The following TRUB2 variants were observed in gnomAD, a reference collection of about 807,000 sequenced individuals.
The protein encoded by TRUB2 is pseudouridylate synthase TRUB2, mitochondrial.
A neutral mutation model predicts 31.9 loss-of-function variants in TRUB2; 31 were observed. The ratio of observed to expected loss-of-function variants is 0.97; its 90% CI spans 0.73 to 1.31. The LOEUF (loss-of-function observed/expected upper bound fraction) is 1.31. Among genes scored for constraint, TRUB2 ranks in the 50% most tolerant of loss-of-function variants. TRUB2 has a pLI of 0.00. For synonymous variants in TRUB2, 201 were observed against 182.6 expected (o/e 1.10, Z -0.81); for missense variants, 451 against 439.6 (o/e 1.03, Z -0.23).
rs759569675 is a variant in TRUB2 at position 128,322,432 on chromosome 9, G to A, written c.-24C>T. 2.4e-5 allele frequency: 39 copies of A among 1,611,856 alleles called. No individual in the cohort carries two copies. Among genetic ancestry groups the A allele is most frequent in the Non-Finnish European group, 2.9e-5 (34 of 1,178,280 alleles). On this transcript the variant is annotated 5_prime_UTR_variant, in exon 1 of 8. Coordinates refer to ENST00000372890, the MANE Select transcript of TRUB2 (RefSeq NM_015679.3). ...ATACTTGAAGATCACAGCACCCGCT[G>A]GACCTGGACGGAAGTACCGCCAGGC...
Position 128,309,398 on chromosome 9 carries a change from G to A in TRUB2, c.*152C>T. 2 of 765,750 alleles carry A rather than the reference G, an allele frequency of 2.6e-6. No individual in the cohort carries two copies. Among genetic ancestry groups the A allele is most frequent in the Non-Finnish European group, 4.1e-6 (2 of 485,078 alleles). 47.4% of individuals were successfully genotyped at this position (765,750 alleles called of 1,614,324 possible). On this transcript the variant is annotated 3_prime_UTR_variant, in exon 8 of 8. Transcript: ENST00000372890. ...ATACAGAAGTTTTTCCTTCTCAGTT[G>A]GGTCAAGTCCATTGACCTTTCTGTT...
In TRUB2 at chr9:128,321,749, T is replaced by C. The variant is rs1287169517; in HGVS notation, c.110-19A>G. ...TTGAGACCTGAACACACAGAGATAA[T>C]ATATACACACATACATACAAATATA... On this transcript the variant is annotated intron_variant, in intron 1 of 7. Coordinates refer to ENST00000372890, the MANE Select transcript of TRUB2 (RefSeq NM_015679.3). The C allele has an allele frequency of 6.2e-7, 1 of 1,610,362 alleles. No homozygotes were observed. Among genetic ancestry groups the C allele is most frequent in the Admixed American group, 1.7e-5 (1 of 59,618 alleles).
intron 6 of TRUB2, 57 bp downstream of exon 6, chr9:128,311,472 T>C (rs943855753): frequency 1.3e-6 from 2 of 1,564,568 alleles, no homozygotes; most frequent in Non-Finnish European, 1.8e-6. Context: ...TGGGGGAGCC[T>C]ACGGGAGCCA....
chr9:128,309,463 T>C lies in TRUB2; in HGVS notation c.*87A>G. On this transcript the variant is annotated 3_prime_UTR_variant, in exon 8 of 8. Coordinates refer to ENST00000372890, the MANE Select transcript of TRUB2 (RefSeq NM_015679.3). ...GTGTCTTACGTAGAAAAGGTGCCCC[T>C]GCTCTCACTTTCTGCACAGCTATCA... The C allele has an allele frequency of 7.1e-7, 1 of 1,408,808 alleles. No homozygotes were observed. The highest frequency in any genetic ancestry group is 9.6e-7 in the Non-Finnish European group (1 of 1,041,138). 87.3% of individuals were successfully genotyped at this position (1,408,808 alleles called of 1,614,324 possible).
Position 128,315,573 on chromosome 9 carries a change from A to C in TRUB2, c.372T>G (p.Leu124=), listed in dbSNP as rs1472377165. ...TGTCCCCAGACCCTCGTACCTTGGT[A>C]AGATGAGCATTGTACATATCGGTGA... ...RLLTDMYNAH[L]TKDYTVRGLL... The change falls in exon 4 of 8, where the codon CTT becomes CTG. Residue 124 remains leucine (L), a synonymous_variant. Transcript: ENST00000372890. 6.2e-7 allele frequency: 1 copy of C among 1,613,482 alleles called. No individual in the cohort carries two copies. The highest frequency in any genetic ancestry group is 8.5e-7 in the Non-Finnish European group (1 of 1,179,828).
intron 2 of TRUB2, among the ~76,000 whole-genome samples, chr9:128,319,970 C>T (rs990645050): frequency 1.3e-5 from 2 of 151,420 alleles, no homozygotes; most frequent in African/African-American, 2.4e-5. Context: ...GGCTGGAGTG[C>T]AGTGGCACGA....
Position 128,306,200 on chromosome 9 carries a change from C to CA in TRUB2, c.*3349dup, listed in dbSNP as rs955394675. 23 of 152,116 alleles carry CA rather than the reference C, an allele frequency of 1.5e-4. No homozygotes were observed. Among genetic ancestry groups the CA allele is most frequent in the African/African-American group, 5.3e-4 (22 of 41,420 alleles). 9.4% of individuals were successfully genotyped at this position (152,116 alleles called of 1,614,324 possible). ...TTGACCAATTATTTTGGCCATGACTCAGAGTTCCCCTATCCTGCTATCCTG... is the reference window on the plus strand; with the variant it reads ...TTGACCAATTATTTTGGCCATGACTCAAGAGTTCCCCTATCCTGCTATCCTG... On this transcript the variant is annotated 3_prime_UTR_variant, in exon 8 of 8. Transcript: ENST00000372890.
Position 128,315,558 on chromosome 9 carries a change from C to A in TRUB2, c.378+9G>T, listed in dbSNP as rs767614624. 1 of 1,612,772 alleles carries A rather than the reference C, an allele frequency of 6.2e-7. No homozygotes were observed. Among genetic ancestry groups the A allele is most frequent in the South Asian group, 1.1e-5 (1 of 90,894 alleles). On this transcript the variant is annotated intron_variant, in intron 4 of 7. Transcript: ENST00000372890. Reference sequence around the variant, plus strand: ...AAGGGAGAAGCAGGCTGTCCCCAGACCCTCGTACCTTGGTAAGATGAGCAT... The same window carrying A: ...AAGGGAGAAGCAGGCTGTCCCCAGAACCTCGTACCTTGGTAAGATGAGCAT...
chr9:128,315,515 G>A, intron 4 of TRUB2, 52 bp downstream of exon 4: 3 of 1,563,570 alleles, frequency 1.9e-6, no homozygotes, highest in Non-Finnish European at 2.6e-6. Flanking sequence ...TCCTGCTGGT[G>A]ACCCCCAGGA....
chr9:128,310,113 C>A (rs1831942902), intron 7 of TRUB2, among the ~76,000 whole-genome samples: 1 of 151,928 alleles, frequency 6.6e-6, no homozygotes, highest in Non-Finnish European at 1.5e-5. Flanking sequence ...CCTTTTTTGG[C>A]AACAGGGTCT....
At chr9:128,313,361 A>G (rs1243017351) in intron 5 of TRUB2, among the ~76,000 whole-genome samples, 3 of 149,974 alleles carry the variant, frequency 2.0e-5, no homozygotes, top group East Asian at 4.0e-4. Flanking sequence ...CCCGTCTCCC[A>G]TCTCTACTAA....
At chr9:128,321,882 C>A in intron 1 of TRUB2, 152 bp from the exon 2 acceptor site, 1 of 875,294 alleles carries the variant, frequency 1.1e-6, no homozygotes, top group South Asian at 1.7e-5. Context: ...TGGGCTCAAG[C>A]GATCCTCCTG....
intron 5 of TRUB2, among the ~76,000 whole-genome samples, chr9:128,311,882 C>T (rs917504075): frequency 6.9e-6 from 1 of 144,770 alleles, no homozygotes; most frequent in Non-Finnish European, 1.5e-5. Context: ...GTCACCCAGA[C>T]TGGAGTGCAG....
Position 128,317,223 on chromosome 9 carries a change from CA to C in TRUB2, c.244del (p.Cys82ValfsTer67), listed in dbSNP as rs1564385235. 1 of 1,592,528 alleles carries C rather than the reference CA, an allele frequency of 6.3e-7. No individual in the cohort carries two copies. The highest frequency in any genetic ancestry group is 1.3e-5 in the African/African-American group (1 of 74,668). On this transcript the variant is annotated frameshift_variant and splice_region_variant, in exon 3 of 8. Coordinates refer to ENST00000372890, the MANE Select transcript of TRUB2 (RefSeq NM_015679.3). LOFTEE classifies it high-confidence loss of function. ...CTTGAGATGGGCGAATGCTGGTCCA[CA>C]TACTGGAAAGAAACAAACAAGGTCC... ...VPSFINHPLV[C>X]GPAFAHLKVG...
rs755205689 is a variant in TRUB2, at chr9:128,311,507, C to A, written c.533+22G>T. 9 of 1,612,618 alleles carry A rather than the reference C, an allele frequency of 5.6e-6. 1 individual carries two copies. The South Asian group carries it at 8.8e-5, about 16-fold the overall frequency. On this transcript the variant is annotated intron_variant, in intron 6 of 7. Coordinates refer to ENST00000372890, the MANE Select transcript of TRUB2 (RefSeq NM_015679.3). ...AAGGGCACTTACTGCTCTCCCAGTA[C>A]CTCCCTGAGGGCCCTACTCACATCA...
chr9:128,309,953 G>A, intron 7 of TRUB2, 78 bp from the exon 8 acceptor site: 1 of 1,471,688 alleles, frequency 6.8e-7, no homozygotes, highest in Non-Finnish European at 9.2e-7. Context: ...ACACCCCTTG[G>A]ATACCTCCTA....
chr9:128,313,971 G>C, intron 4 of TRUB2, 82 bp from the exon 5 acceptor site: 2 of 1,313,564 alleles, frequency 1.5e-6, no homozygotes, highest in Middle Eastern at 3.7e-4. Context: ...TGGGGGTGGG[G>C]GGTCCTCAGG....
At chr9:128,320,910 T>G (rs1832158697) in intron 2 of TRUB2, among the ~76,000 whole-genome samples, 1 of 152,072 alleles carries the variant, frequency 6.6e-6, no homozygotes, top group Non-Finnish European at 1.5e-5. Flanking sequence ...TGCCTCAGCC[T>G]CCTGAGCAAC....
chr9:128,317,090 G>A (rs946188205), intron 3 of TRUB2, 62 bp downstream of exon 3: 2 of 1,461,192 alleles, frequency 1.4e-6, no homozygotes, highest in Non-Finnish European at 9.3e-7. Context: ...TGGGCTCCTG[G>A]TAGCTTCAGG....
Sources: gnomAD v4.1 joint callset for allele counts (sites outside exome capture counted in the v4.1 genomes callset) on GRCh38, gnomAD v4.1.1 for gene constraint, MANE v1.5 for transcripts, NCBI Gene and HGNC (gene_info 2026-07-23, HGNC 2026-07-21) for gene names.